The following TDRD6 variants were observed in gnomAD, a reference collection of about 807,000 sequenced individuals.
TDRD6 encodes the protein tudor domain-containing protein 6.
In TDRD6, 186 loss-of-function variants were observed where a neutral mutation model predicts 157.5. The observed-to-expected ratio is 1.18, with a 90% CI of 1.05 to 1.33. The LOEUF is 1.33. Among genes scored for constraint, TDRD6 ranks in the 40% most tolerant of loss-of-function variants. The probability of loss-of-function intolerance (pLI) is 0.00; values close to 1 mark genes in which losing one functional copy is unlikely to be tolerated. For synonymous variants in TDRD6, 1,075 were observed against 945.2 expected, an observed-to-expected ratio of 1.14 and a Z score of -2.52; for missense variants, 3,066 against 2,508.0, an observed-to-expected ratio of 1.22 and a Z score of -4.75.
At chr6:46,699,886 A>G (rs565461004) in intron 3 of TDRD6, among the ~76,000 whole-genome samples, 90 of 152,288 alleles carry the variant, frequency 5.9e-4, no homozygotes, top group African/African-American at 2.1e-3. Flanking sequence ...ACAATATTTA[A>G]TAGCTAAATA....
rs1378096872 is a variant in TDRD6, at chr6:46,691,869, TAGTC to T, written c.3743_3746del (p.Ser1248LysfsTer5). 104 of 1,590,792 alleles carry T rather than the reference TAGTC, an allele frequency of 6.5e-5. No individual in the cohort carries two copies. Among genetic ancestry groups the T allele is most frequent in the Non-Finnish European group, 8.3e-5 (98 of 1,174,350 alleles). ...ATCAAGACTCTGTGGGAAATAAAAA[TAGTC>T]AAGTGTTTCCATTAACAACAGAAAA... On this transcript the variant is annotated frameshift_variant, in exon 1 of 4. Transcript: ENST00000316081. LOFTEE classifies it high-confidence loss of function.
rs775292303 is a variant in TDRD6 at position 46,688,666 on chromosome 6, G to A, written c.538G>A (p.Val180Ile). 1.3e-6 allele frequency: 2 copies of A among 1,599,770 alleles called. No individual in the cohort carries two copies. The highest frequency in any genetic ancestry group is 2.2e-5 in the East Asian group (1 of 44,858). ...VLDVLLLHRL[V>I]LLEVPDVFQQ... is the part of the protein sequence containing the mutation. ...GGACGTGCTGCTGCTCCATCGCCTG[G>A]TCCTCCTGGAGGTGCCTGATGTGTT... Residue 180 changes from valine to isoleucine, a missense_variant, in exon 1 of 4, where the codon GTC (valine) becomes ATC (isoleucine). By Grantham distance (29) the Val-to-Ile change is conservative. Coordinates refer to ENST00000316081, the MANE Select transcript of TDRD6 (RefSeq NM_001010870.3).
intron 3 of TDRD6, among the ~76,000 whole-genome samples, chr6:46,701,592 A>G (rs1300502217): frequency 1.3e-5 from 2 of 152,202 alleles, no homozygotes; most frequent in African/African-American, 2.4e-5. Context: ...AGCCTTGTTC[A>G]CACCATTCTC....
chr6:46,685,245 A>G (rs1764063378), upstream of TDRD6, among the ~76,000 whole-genome samples: 1 of 151,954 alleles, frequency 6.6e-6, no homozygotes, highest in Non-Finnish European at 1.5e-5. Context: ...TGTCTTTTTC[A>G]TTCTCCTAAC....
upstream of TDRD6, among the ~76,000 whole-genome samples, chr6:46,683,682 A>C (rs1009826571): frequency 1.3e-4 from 20 of 152,024 alleles, no homozygotes; most frequent in Non-Finnish European, 2.2e-4. Flanking sequence ...GAGAGAACAT[A>C]TTTTTTAAGT....
rs759001689 is a variant in TDRD6 at position 46,693,597 on chromosome 6, T to C, written c.5469T>C (p.Ala1823=). The change falls in exon 1 of 4, where the codon GCT becomes GCC. Residue 1823 remains alanine (A), a synonymous_variant. Transcript: ENST00000316081. ...ITGFNTLLPH[A]NETKEILELN... ...GATTTAACACATTACTACCACATGC[T>C]AATGAAACAAAGGAGATACTAGAAC... is the stretch of plus-strand genomic sequence containing the variant. 37 of 1,614,086 alleles carry C rather than the reference T, an allele frequency of 2.3e-5. No homozygotes were observed. The Middle Eastern group carries it at 4.9e-4, about 22-fold the overall frequency.
chr6:46,687,401 CTT>C (rs542400909), upstream of TDRD6, among the ~76,000 whole-genome samples: 168 of 152,326 alleles, frequency 1.1e-3, 1 homozygote, highest in African/African-American at 3.9e-3. Context: ...CATAACAACT[CTT>C]ATCAATTCAG....
At chr6:46,685,690 A>T (rs1764073674), upstream of TDRD6, among the ~76,000 whole-genome samples, 1 of 151,918 alleles carries the variant, frequency 6.6e-6, no homozygotes, top group South Asian at 2.1e-4. Flanking sequence ...GGGTGCAGCA[A>T]ACCACCATGG....
chr6:46,689,223 A>G lies in TDRD6; in HGVS notation c.1095A>G (p.Glu365=), dbSNP rs1390087601. 1 of 1,614,104 alleles carries G rather than the reference A, an allele frequency of 6.2e-7. No individual in the cohort carries two copies. The highest frequency in any genetic ancestry group is 8.5e-7 in the Non-Finnish European group (1 of 1,180,008). Residue 365 remains glutamate (E), a synonymous_variant, in exon 1 of 4, where the codon GAA becomes GAG. Transcript: ENST00000316081. ...SCSSLRYLLP[E]YFRMPVVTYP... is the part of the protein sequence containing the mutation. ...GCAGCCTTCGGTACTTGCTGCCTGA[A>G]TATTTTCGAATGCCGGTGGTGACCT...
At position 46,688,590 on chromosome 6, in the gene TDRD6, C is replaced by T. The variant is rs140828660; in HGVS notation, c.462C>T (p.Ala154=). The change falls in exon 1 of 4, where the codon GCC becomes GCT. Residue 154 remains alanine, a synonymous_variant. Transcript: ENST00000316081. ...CGCCGCAGCACTGGCCCGCCGACGC[C>T]GTGGACTTCCTTAGCAACCTTCAGG... ...GEPPQHWPAD[A]VDFLSNLQGK... 3.1e-6 allele frequency: 5 copies of T among 1,598,750 alleles called. No individual in the cohort carries two copies. Among genetic ancestry groups the T allele is most frequent in the South Asian group, 1.1e-5 (1 of 91,070 alleles).
chr6:46,690,616 AACAG>A lies in TDRD6; in HGVS notation c.2493_2496del (p.Arg831SerfsTer18), dbSNP rs1764280277. 1 of 1,614,096 alleles carries A rather than the reference AACAG, an allele frequency of 6.2e-7. No individual in the cohort carries two copies. The highest frequency in any genetic ancestry group is 1.1e-5 in the South Asian group (1 of 91,086). ...TGCTTGTTTGGCTAAGCGAACAGTA[AACAG>A]ACAGTGGTCCAGAGCACTTATTAGT... On this transcript the variant is annotated frameshift_variant, in exon 1 of 4. Transcript: ENST00000316081. LOFTEE classifies it high-confidence loss of function.
chr6:46,693,092 A>G lies in TDRD6; in HGVS notation c.4964A>G (p.Tyr1655Cys), dbSNP rs753782952. 12 of 1,613,742 alleles carry G rather than the reference A, an allele frequency of 7.4e-6. No homozygotes were observed. The highest frequency in any genetic ancestry group is 5.0e-5 in the Admixed American group (3 of 59,942). Residue 1655 changes from tyrosine (Y) to cysteine (C), a missense_variant, in exon 1 of 4, where the codon TAT becomes TGT. Transcript: ENST00000316081. Reference protein sequence around the residue: ...LCSQEGNDYFYEIITEDVLEI... With the variant: ...LCSQEGNDYFCEIITEDVLEI... ...TCTCAAGAGGGAAATGACTATTTCT[A>G]TGAAATAATAACAGAAGATGTGTTG...
chr6:46,688,785 C>G lies in TDRD6; in HGVS notation c.657C>G (p.Ser219Arg). ...LERYLTAATASVGSGVPVLSR... is the reference protein window; with the variant it reads ...LERYLTAATARVGSGVPVLSR... ...GCTATCTCACAGCGGCCACTGCTAG[C>G]GTGGGCTCCGGGGTCCCGGTTCTCT... is the stretch of plus-strand genomic sequence containing the variant. The change falls in exon 1 of 4, where the codon AGC (serine) becomes AGG (arginine). Residue 219 changes from serine to arginine, a missense_variant. Coordinates refer to ENST00000316081, the MANE Select transcript of TDRD6 (RefSeq NM_001010870.3). The G allele has an allele frequency of 1.2e-6, 2 of 1,609,638 alleles. No homozygotes were observed. The highest frequency in any genetic ancestry group is 1.7e-5 in the Admixed American group (1 of 60,016).
At position 46,703,666 on chromosome 6, in the gene TDRD6, A is replaced by G. The variant is rs1018451970; in HGVS notation, c.*1779A>G. The G allele has an allele frequency of 1.3e-5, 2 of 152,072 alleles. No homozygotes were observed. The highest frequency in any genetic ancestry group is 2.4e-5 in the African/African-American group (1 of 41,436). The allele number at this position is 152,072 out of a possible 1,614,324, so 9.4% of individuals were successfully genotyped here. A position where few individuals can be genotyped will look rare whatever the true frequency, so the allele number is the denominator to read the frequency against. ...ATTTATAAGTATAAATTCTTAAGCT[A>G]TATTTTTACCTCCATTTAATCGTGT... is the stretch of plus-strand genomic sequence containing the variant. On this transcript the variant is annotated 3_prime_UTR_variant, in exon 4 of 4. Transcript: ENST00000316081.
chr6:46,690,556 A>G lies in TDRD6; in HGVS notation c.2428A>G (p.Lys810Glu). Reference protein sequence around the residue: ...TLMSDIQYYCKNTAAPHQRNT... With the variant: ...TLMSDIQYYCENTAAPHQRNT... ...AATGTCTGATATTCAGTACTATTGCAAAAATACAGCTGCTCCTCACCAGAG... is the reference window on the plus strand; with the variant it reads ...AATGTCTGATATTCAGTACTATTGCGAAAATACAGCTGCTCCTCACCAGAG... The change falls in exon 1 of 4, where the codon AAA (lysine) becomes GAA (glutamate). Residue 810 changes from lysine to glutamate, a missense_variant. Lys to Glu is a moderately conservative substitution (Grantham distance 56). Transcript: ENST00000316081. The G allele has an allele frequency of 6.2e-7, 1 of 1,614,224 alleles. No individual in the cohort carries two copies. Among genetic ancestry groups the G allele is most frequent in the Non-Finnish European group, 8.5e-7 (1 of 1,180,038 alleles).
In TDRD6 at chr6:46,697,991, C is replaced by T; in HGVS notation, c.6172-7C>T. ...GACACTTTAAAAAAATTTGTTTTCTCCTGTAGGTTTTGAACCTTTCAAATG... is the reference window on the plus strand; with the variant it reads ...GACACTTTAAAAAAATTTGTTTTCTTCTGTAGGTTTTGAACCTTTCAAATG... On this transcript the variant is annotated splice_polypyrimidine_tract_variant and splice_region_variant and intron_variant, in intron 2 of 3. Transcript: ENST00000316081. The T allele has an allele frequency of 6.4e-7, 1 of 1,574,186 alleles. No individual in the cohort carries two copies. Among genetic ancestry groups the T allele is most frequent in the Non-Finnish European group, 8.6e-7 (1 of 1,157,876 alleles).
chr6:46,685,722 A>G (rs898284771), upstream of TDRD6, among the ~76,000 whole-genome samples: 28 of 152,066 alleles, frequency 1.8e-4, no homozygotes, highest in Non-Finnish European at 5.9e-5. Flanking sequence ...CTATGTAACA[A>G]ATCTGCACGT....
upstream of TDRD6, among the ~76,000 whole-genome samples, chr6:46,686,121 G>T (rs10948299): frequency 0.3 from 45,986 of 152,030 alleles, 8,765 homozygotes; most frequent in East Asian, 0.56. Flanking sequence ...CATGGAAGGA[G>T]GTTGGAGGAC....
At chr6:46,698,473 A>C (rs1440171458) in intron 3 of TDRD6, among the ~76,000 whole-genome samples, 5 of 152,222 alleles carry the variant, frequency 3.3e-5, no homozygotes, top group Non-Finnish European at 7.3e-5. Flanking sequence ...TTTATATGTA[A>C]TATAAGTATT....
Sources: gnomAD v4.1 joint callset for allele counts (sites outside exome capture counted in the v4.1 genomes callset) on GRCh38, gnomAD v4.1.1 for gene constraint, MANE v1.5 for transcripts, NCBI Gene and HGNC (gene_info 2026-07-23, HGNC 2026-07-21) for gene names.